UTP4: variants seen among roughly 807,000 people sequenced by gnomAD.
UTP4 encodes the protein UTP4 small subunit processome component.
Under a neutral mutation model 82.4 loss-of-function variants are expected in UTP4, and 45 were observed. The ratio of observed to expected loss-of-function variants is 0.55; its 90% CI spans 0.43 to 0.70. UTP4 has a LOEUF of 0.70. Among genes scored for constraint, UTP4 ranks in the 30% least tolerant of loss-of-function variants. The pLI is 0.00. For missense variants in UTP4, 819 were observed against 858.3 expected, an observed-to-expected ratio of 0.95 and a Z score of 0.57; for synonymous variants, 348 against 300.3, an observed-to-expected ratio of 1.16 and a Z score of -1.64.
intron 8 of UTP4, among the ~76,000 whole-genome samples, chr16:69,151,153 T>C (rs1200432509): frequency 6.6e-6 from 1 of 151,142 alleles, no homozygotes; most frequent in East Asian, 2.0e-4. Context: ...ATTACAGGCA[T>C]GCGCCACCGC....
chr16:69,158,691 T>C (rs1054663766), intron 12 of UTP4, among the ~76,000 whole-genome samples: 1 of 152,186 alleles, frequency 6.6e-6, no homozygotes, highest in East Asian at 1.9e-4. Context: ...TCACTTCCCC[T>C]TGTAGTCAAA....
chr16:69,140,445 G>A (rs1962927894), intron 5 of UTP4, among the ~76,000 whole-genome samples: 1 of 152,164 alleles, frequency 6.6e-6, no homozygotes, highest in African/African-American at 2.4e-5. Context: ...GCTGGGCGCG[G>A]TGGCTCATGC....
intron 6 of UTP4, among the ~76,000 whole-genome samples, chr16:69,149,474 C>G (rs528130222): frequency 6.6e-6 from 1 of 151,958 alleles, no homozygotes; most frequent in African/African-American, 2.4e-5. Flanking sequence ...CTCTTGAACC[C>G]GGGACGGCAG....
chr16:69,155,973 G>A lies in UTP4; in HGVS notation c.1267G>A (p.Asp423Asn). The A allele has an allele frequency of 6.2e-7, 1 of 1,614,054 alleles. No homozygotes were observed. The highest frequency in any genetic ancestry group is 8.5e-7 in the Non-Finnish European group (1 of 1,180,000). Residue 423 changes from aspartate (D) to asparagine (N), a missense_variant, in exon 11 of 17, where the codon GAC becomes AAC. Asp to Asn is a conservative substitution (Grantham distance 23, BLOSUM62 1). Coordinates refer to ENST00000314423, the MANE Select transcript of UTP4 (RefSeq NM_032830.3). ...FFLYRLNYEH[D>N]NISLKRVSKM... ...TCTCTATCGGCTGAATTATGAACAT[G>A]ACAACATAAGCCTCAAAAGGGTAAG...
At chr16:69,161,502 A>G (rs1963560945) in intron 13 of UTP4, among the ~76,000 whole-genome samples, 1 of 152,218 alleles carries the variant, frequency 6.6e-6, no homozygotes. Flanking sequence ...AATTGTACAT[A>G]AAAATCCATG....
chr16:69,152,631 A>G (rs537279863), intron 8 of UTP4, among the ~76,000 whole-genome samples: 4 of 151,518 alleles, frequency 2.6e-5, no homozygotes, highest in African/African-American at 9.7e-5. Flanking sequence ...CACCACGCCT[A>G]GGTAATTTTT....
In UTP4 at chr16:69,153,678, C is replaced by T; in HGVS notation, c.1097C>T (p.Thr366Ile). ...TGGCGACTGGGATCCACAGTTGCAA[C>T]AGGTAAGATGGGAGCACGTTTTTTT... ...ELWRLGSTVA[T>I]GKNGDTLPLS... is the part of the protein sequence containing the mutation. The change falls in exon 9 of 17, where the codon ACA becomes ATA. Residue 366 changes from threonine (T) to isoleucine (I), a missense_variant and splice_region_variant. Thr to Ile is a moderately conservative substitution (Grantham distance 89, BLOSUM62 -1). Transcript: ENST00000314423. 6.2e-7 allele frequency: 1 copy of T among 1,607,354 alleles called. No homozygotes were observed. Among genetic ancestry groups the T allele is most frequent in the Non-Finnish European group, 8.5e-7 (1 of 1,174,788 alleles).
chr16:69,163,908 CAG>C (rs1300351492), intron 14 of UTP4, among the ~76,000 whole-genome samples: 3 of 125,522 alleles, frequency 2.4e-5, no homozygotes, highest in African/African-American at 9.8e-5. Context: ...TTTTTTGAGA[CAG>C]AGTCTCGCTC....
chr16:69,164,188 G>A (rs968591947), intron 14 of UTP4, among the ~76,000 whole-genome samples: 6 of 151,812 alleles, frequency 4.0e-5, no homozygotes, highest in African/African-American at 1.5e-4. Context: ...CCGGCTGATG[G>A]TCAGTTTTTA....
At chr16:69,152,610 C>T (rs1363742490) in intron 8 of UTP4, among the ~76,000 whole-genome samples, 3 of 151,642 alleles carry the variant, frequency 2.0e-5, no homozygotes, top group Admixed American at 6.6e-5. Flanking sequence ...GCTGGGATTA[C>T]AGGCACCCGC....
intron 8 of UTP4, among the ~76,000 whole-genome samples, chr16:69,151,875 G>C (rs1017011658): frequency 6.6e-6 from 1 of 150,948 alleles, no homozygotes; most frequent in Admixed American, 6.6e-5. Flanking sequence ...GAAAACCCAG[G>C]CTTCCAGTGT....
At chr16:69,141,640 T>C (rs887099802) in intron 5 of UTP4, among the ~76,000 whole-genome samples, 2 of 152,136 alleles carry the variant, frequency 1.3e-5, no homozygotes, top group African/African-American at 4.8e-5. Context: ...GGGGAAATTC[T>C]TTTACTCTTA....
chr16:69,165,781 T>A (rs911530410), intron 15 of UTP4: 17 of 586,734 alleles, frequency 2.9e-5, no homozygotes, highest in Middle Eastern at 9.1e-4. Context: ...ATTTGACTAT[T>A]TGTCTACTTT....
In UTP4 at chr16:69,160,465, G is replaced by A; in HGVS notation, c.1551+3G>A. The A allele has an allele frequency of 6.2e-7, 1 of 1,609,150 alleles. No homozygotes were observed. Among genetic ancestry groups the A allele is most frequent in the African/African-American group, 1.3e-5 (1 of 74,944 alleles). ...TCTACAACGTAAAACAGCTAAAGGT[G>A]AGCATAGGGTTTCATGGCAGCAGTT... is the stretch of plus-strand genomic sequence containing the variant. On this transcript the variant is annotated splice_donor_region_variant and intron_variant, in intron 13 of 16. Transcript: ENST00000314423.
chr16:69,165,492 A>G lies in UTP4; in HGVS notation c.1799A>G (p.Asp600Gly). 1 of 1,614,178 alleles carries G rather than the reference A, an allele frequency of 6.2e-7. No individual in the cohort carries two copies. Among genetic ancestry groups the G allele is most frequent in the Non-Finnish European group, 8.5e-7 (1 of 1,179,998 alleles). Reference protein sequence around the residue: ...PKRPMHILLHDAYMFCIIDKS... With the variant: ...PKRPMHILLHGAYMFCIIDKS... ...AGACCGATGCACATCCTTCTCCATG[A>G]TGCCTACATGTTCTGCATCATTGAC... Residue 600 changes from aspartate to glycine, a missense_variant, in exon 15 of 17, where the codon GAT becomes GGT. Coordinates refer to ENST00000314423, the MANE Select transcript of UTP4 (RefSeq NM_032830.3).
At chr16:69,153,721 A>C in intron 9 of UTP4, 41 bp downstream of exon 9, 1 of 1,317,392 alleles carries the variant, frequency 7.6e-7, no homozygotes, top group Middle Eastern at 1.8e-4. Flanking sequence ...AAAACTGGAG[A>C]GAGAAGCCAG....
chr16:69,164,586 T>TTTTA (rs373429570), intron 14 of UTP4, among the ~76,000 whole-genome samples: 4 of 132,520 alleles, frequency 3.0e-5, no homozygotes, highest in Admixed American at 7.9e-5. Context: ...TAATCATTCT[T>TTTTA]TATATATATA....
intron 10 of UTP4, 151 bp downstream of exon 10, chr16:69,154,608 TC>T: frequency 4.5e-6 from 3 of 672,770 alleles, no homozygotes; most frequent in South Asian, 3.7e-5. Context: ...GGACTGGGTT[TC>T]CTGTGATTAT....
rs371875266 is a variant in UTP4, at chr16:69,151,354, T to G, written c.1002+450T>G. Among the ~76,000 whole-genome samples, 4 of 141,178 alleles carry G rather than the reference T, an allele frequency of 2.8e-5. No individual in the cohort carries two copies. The East Asian group carries it at 8.3e-4, about 29-fold the overall frequency. The allele number at this position is 141,178 out of a possible 152,430, so 92.6% of individuals were successfully genotyped here. On this transcript the variant is annotated intron_variant, in intron 8 of 16. Coordinates refer to ENST00000314423, the MANE Select transcript of UTP4 (RefSeq NM_032830.3). ...TTTTTTTTTTTTGAGACTGAGTCTC[T>G]CTCTGTCGCCCAGGCTGGAGTGCAG...
Sources: allele counts gnomAD v4.1 joint callset (sites outside exome capture counted in the v4.1 genomes callset), GRCh38; gene constraint gnomAD v4.1.1; transcripts MANE v1.5; gene names NCBI Gene and HGNC (gene_info 2026-07-23, HGNC 2026-07-21).